The following TVP23B variants were observed in gnomAD, a reference collection of about 807,000 sequenced individuals.
The protein encoded by TVP23B is trans-golgi network vesicle protein 23 homolog B.
TVP23B carries 10 observed loss-of-function variants against 30.6 expected under a neutral mutation model. The ratio of observed to expected loss-of-function variants is 0.33; its 90% confidence interval spans 0.20 to 0.55. The LOEUF (loss-of-function observed/expected upper bound fraction) is 0.55. Among genes scored for constraint, TVP23B ranks in the 20% least tolerant of loss-of-function variants. The pLI is 0.91. For missense variants in TVP23B, 153 were observed against 243.2 expected, an observed-to-expected ratio of 0.63 and a Z score of 2.47; for synonymous variants, 67 against 83.1, an observed-to-expected ratio of 0.81 and a Z score of 1.06.
intron 3 of TVP23B, among the ~76,000 whole-genome samples, chr17:18,793,443 T>TA (rs67506831): frequency 0.014 from 1,362 of 100,230 alleles, 14 homozygotes; most frequent in Middle Eastern, 0.068. Context: ...CCATCTCTGC[T>TA]AAAAAAAAAA....
rs150084847 is a variant in TVP23B, at chr17:18,783,088, T to G, written c.12+1783T>G. On this transcript the variant is annotated intron_variant, in intron 1 of 6. Coordinates refer to ENST00000307767, the MANE Select transcript of TVP23B (RefSeq NM_016078.6). ...TGACTGTTCCCACTATTTATTTATT[T>G]ATTGATTGATTGATTGATTCATTCA... 7.1e-3 allele frequency among the ~76,000 whole-genome samples: 770 copies of G among 107,964 alleles called. 101 individuals carry two copies. Among genetic ancestry groups the G allele is most frequent in the African/African-American group, 0.017 (492 of 28,406 alleles). 70.8% of individuals were successfully genotyped at this position (107,964 alleles called of 152,430 possible).
intron 6 of TVP23B, 66 bp downstream of exon 6, chr17:18,804,332 TA>T (rs1244694879): frequency 1.3e-6 from 2 of 1,525,736 alleles, no homozygotes; most frequent in African/African-American, 2.9e-5. Flanking sequence ...GTTTAATTTT[TA>T]TGAAACGCTC....
intron 1 of TVP23B, 103 bp downstream of exon 1, chr17:18,781,408 C>T: frequency 4.6e-6 from 7 of 1,520,916 alleles, no homozygotes; most frequent in Non-Finnish European, 6.2e-6. Flanking sequence ...TACTCGAACT[C>T]GAGGAGGAGC....
At chr17:18,791,187 G>GTTTTTTTTTTTTTTTTTTTTTTTT (rs762889436) in intron 3 of TVP23B, 147 bp downstream of exon 3, 1 of 109,174 alleles carries the variant, frequency 9.2e-6, no homozygotes, top group Non-Finnish European at 1.4e-5. Context: ...ATTGCATGTA[G>GTTTTTTTTTTTTTTTTTTTTTTTT]TTTTTTTTTT....
intron 1 of TVP23B, among the ~76,000 whole-genome samples, chr17:18,783,982 T>TA (rs1366294593): frequency 6.6e-6 from 1 of 151,824 alleles, no homozygotes; most frequent in African/African-American, 2.4e-5. Context: ...CCGTCTGTAC[T>TA]AAAAAACAAC....
Position 18,798,819 on chromosome 17 carries a change from C to T in TVP23B, c.338C>T (p.Ser113Phe). 5.0e-6 allele frequency: 8 copies of T among 1,612,366 alleles called. No individual in the cohort carries two copies. Among genetic ancestry groups the T allele is most frequent in the Non-Finnish European group, 6.8e-6 (8 of 1,179,318 alleles). The part of the protein sequence containing the change: ...HWVFESRKES[S>F]QENKTVSEAE... Reference sequence around the variant, plus strand: ...ATTTATGTTCTTTTATAGGAGTCCTCTCAAGAGAATAAAACTGTGTCAGAG... The same window carrying T: ...ATTTATGTTCTTTTATAGGAGTCCTTTCAAGAGAATAAAACTGTGTCAGAG... Residue 113 changes from serine to phenylalanine, a missense_variant, in exon 5 of 7, where the codon TCT becomes TTT. Around this residue, in one of 3 missense-constraint regions of TVP23B, gnomAD observed 53 missense variants for 128.0 expected, o/e 0.41. Coordinates refer to ENST00000307767, the MANE Select transcript of TVP23B (RefSeq NM_016078.6).
chr17:18,794,125 A>G (rs2036040683), intron 3 of TVP23B, among the ~76,000 whole-genome samples: 1 of 152,160 alleles, frequency 6.6e-6, no homozygotes, highest in Non-Finnish European at 1.5e-5. Flanking sequence ...TGATGAGTTT[A>G]ACAAACTACT....
intron 3 of TVP23B, among the ~76,000 whole-genome samples, chr17:18,792,182 C>A (rs1475408388): frequency 6.6e-6 from 1 of 151,844 alleles, no homozygotes; most frequent in African/African-American, 2.4e-5. Context: ...TACAGGCATG[C>A]ACCACCACGC....
At chr17:18,786,150 T>C (rs1338556845) in intron 1 of TVP23B, among the ~76,000 whole-genome samples, 2 of 152,222 alleles carry the variant, frequency 1.3e-5, no homozygotes, top group Non-Finnish European at 2.9e-5. Flanking sequence ...GTTTCCCTTG[T>C]AAGGACCATT....
chr17:18,787,314 T>A (rs1034769237), intron 1 of TVP23B, among the ~76,000 whole-genome samples: 1 of 149,802 alleles, frequency 6.7e-6, no homozygotes, highest in Non-Finnish European at 1.5e-5. Flanking sequence ...GGCACTAGAA[T>A]CTAGCTTGAA....
In TVP23B at chr17:18,784,471, C is replaced by T. The variant is rs1290656808; in HGVS notation, c.12+3166C>T. On this transcript the variant is annotated intron_variant, in intron 1 of 6. Transcript: ENST00000307767. ...ACCATCCTGGCCAACATGGTGAAAC[C>T]CCGTCTCTACTAAAAATACAAAAAT... Among the ~76,000 whole-genome samples the T allele has an allele frequency of 3.3e-5, 5 of 152,176 alleles. No homozygotes were observed. In the East Asian group the frequency reaches 7.8e-4, roughly 24 times the overall value.
intron 3 of TVP23B, among the ~76,000 whole-genome samples, chr17:18,793,909 G>A (rs932064675): frequency 6.6e-6 from 1 of 151,886 alleles, no homozygotes; most frequent in Non-Finnish European, 1.5e-5. Context: ...ATAAAAGAAG[G>A]CAAAGATAAC....
chr17:18,789,342 T>C lies in TVP23B; in HGVS notation c.13-11T>C. 1 of 1,614,014 alleles carries C rather than the reference T, an allele frequency of 6.2e-7. No homozygotes were observed. The highest frequency in any genetic ancestry group is 8.5e-7 in the Non-Finnish European group (1 of 1,179,870). ...TTGTTTTGCTTCTTGACCATTTATT[T>C]TTCCTACCAGGATAGTAATGATGAC... On this transcript the variant is annotated splice_polypyrimidine_tract_variant and intron_variant, in intron 1 of 6. Coordinates refer to ENST00000307767, the MANE Select transcript of TVP23B (RefSeq NM_016078.6).
rs756925552 is a variant in TVP23B at position 18,790,849 on chromosome 17, T to C, written c.96-47T>C. 1.9e-6 allele frequency: 3 copies of C among 1,553,102 alleles called. No individual in the cohort carries two copies. In the South Asian group the frequency reaches 3.5e-5, roughly 18 times the overall value. ...ATTTTTCTCTACATTTGCTAGTACC[T>C]GTAGTAAAATGTAATTGCATTTCTT... On this transcript the variant is annotated intron_variant, in intron 2 of 6. Transcript: ENST00000307767.
At chr17:18,801,437 C>G (rs1472060940) in intron 5 of TVP23B, among the ~76,000 whole-genome samples, 2 of 152,168 alleles carry the variant, frequency 1.3e-5, no homozygotes, top group Non-Finnish European at 2.9e-5. Flanking sequence ...GTGAATCCCC[C>G]TTGACCACCT....
At chr17:18,802,615 G>C (rs1297494243) in intron 5 of TVP23B, among the ~76,000 whole-genome samples, 1 of 152,048 alleles carries the variant, frequency 6.6e-6, no homozygotes. Context: ...TTGGCCACCA[G>C]CCCTTTTTTA....
chr17:18,801,043 A>G (rs1457291671), intron 5 of TVP23B, among the ~76,000 whole-genome samples: 2 of 152,230 alleles, frequency 1.3e-5, no homozygotes, highest in Non-Finnish European at 1.5e-5. Flanking sequence ...ACAACAGGGG[A>G]TGTTAGTTAA....
rs200442627 is a variant in TVP23B, at chr17:18,789,374, G to A, written c.34G>A (p.Asp12Asn). Residue 12 changes from aspartate to asparagine, a missense_variant, in exon 2 of 7, where the codon GAT (aspartate) becomes AAT (asparagine). Physicochemically the swap from Asp to Asn is conservative, Grantham distance 23. Transcript: ENST00000307767. Reference protein sequence around the residue: ...LQQDSNDDTEDVSLFDAEEET... With the variant: ...LQQDSNDDTENVSLFDAEEET... ...CCAGGATAGTAATGATGACACTGAA[G>A]ATGTTTCACTGTTTGATGCGGAAGA... The A allele has an allele frequency of 1.4e-5, 22 of 1,613,874 alleles. No homozygotes were observed. The highest frequency in any genetic ancestry group is 1.0e-5 in the Non-Finnish European group (12 of 1,179,876).
At chr17:18,795,659 TA>T (rs1258703694) in intron 3 of TVP23B, 3 of 152,204 alleles carry the variant, frequency 2.0e-5, no homozygotes, top group African/African-American at 7.2e-5. Context: ...AAATATAATT[TA>T]AAAATATTAG....
Sources: allele counts gnomAD v4.1 joint callset (sites outside exome capture counted in the v4.1 genomes callset), GRCh38; gene constraint gnomAD v4.1.1; regional missense constraint gnomAD v4.1.1; transcripts MANE v1.5; gene names NCBI Gene and HGNC (gene_info 2026-07-23, HGNC 2026-07-21).